DHX8: variants seen among roughly 807,000 people sequenced by gnomAD.
The protein encoded by DHX8 is DEAH-box helicase 8.
A neutral mutation model predicts 140.7 loss-of-function variants in DHX8; 67 were observed. That is an observed-to-expected ratio of 0.48 (90% CI 0.39 to 0.58). The LOEUF (loss-of-function observed/expected upper bound fraction) is 0.58. Ranked by LOEUF, DHX8 falls within the 20% of genes least tolerant of loss-of-function variation. The pLI, the probability that DHX8 is intolerant of heterozygous loss-of-function variation, is 0.00. For synonymous variants in DHX8, 533 were observed against 553.2 expected (o/e 0.96, Z 0.51); for missense variants, 887 against 1,550.7 (o/e 0.57, Z 7.19).
chr17:43,535,129 C>T (rs1971170541), intron 2 of DHX8, among the ~76,000 whole-genome samples: 1 of 152,170 alleles, frequency 6.6e-6, no homozygotes, highest in South Asian at 2.1e-4. Context: ...TGGTTCCAAG[C>T]CGGTGTGAGA....
chr17:43,492,095 G>C, intron 4 of DHX8, 88 bp from the exon 5 acceptor site: 1 of 865,204 alleles, frequency 1.2e-6, no homozygotes, highest in Non-Finnish European at 2.0e-6. Flanking sequence ...CCCTCACATA[G>C]TGATTAGTGA....
intron 3 of DHX8, among the ~76,000 whole-genome samples, chr17:43,543,544 G>A (rs902594585): frequency 6.6e-6 from 1 of 152,120 alleles, no homozygotes; most frequent in Admixed American, 6.5e-5. Context: ...AATGAAGCCC[G>A]GTGAGCCAGA....
Position 43,507,010 on chromosome 17 carries a change from A to G in DHX8, c.1736A>G (p.His579Arg). The G allele has an allele frequency of 6.3e-7, 1 of 1,599,442 alleles. No individual in the cohort carries two copies. Among genetic ancestry groups the G allele is most frequent in the Non-Finnish European group, 8.5e-7 (1 of 1,172,776 alleles). The change falls in exon 13 of 23, where the codon CAT (histidine) becomes CGT (arginine). Residue 579 changes from histidine to arginine, a missense_variant. Transcript: ENST00000262415. Reference sequence around the variant, plus strand: ...ATATTCTGTTGCTTTCAGGCCGTCCATGACAATCAGATCCTGATTGTCATT... The same window carrying G: ...ATATTCTGTTGCTTTCAGGCCGTCCGTGACAATCAGATCCTGATTGTCATT... The part of the protein sequence containing the change: ...KLKEQLVQAV[H>R]DNQILIVIGE...
intron 16 of DHX8, among the ~76,000 whole-genome samples, chr17:43,510,037 G>GTTTC (rs1969731557): frequency 6.6e-6 from 1 of 150,656 alleles, no homozygotes; most frequent in African/African-American, 2.4e-5. Flanking sequence ...ACTGTTTTTT[G>GTTTC]TTTGTTTGTT....
At chr17:43,514,322 G>A (rs1970005821) in intron 17 of DHX8, among the ~76,000 whole-genome samples, 1 of 152,090 alleles carries the variant, frequency 6.6e-6, no homozygotes, top group Admixed American at 6.6e-5. Flanking sequence ...TCTAGCTGGG[G>A]CAACAGAGCA....
chr17:43,513,711 T>G (rs1355227083), intron 17 of DHX8, among the ~76,000 whole-genome samples: 2 of 141,700 alleles, frequency 1.4e-5, no homozygotes, highest in Non-Finnish European at 3.1e-5. Flanking sequence ...TTTTTAATCT[T>G]TTTTTTTTTT....
downstream of DHX8, chr17:43,528,284 C>T: frequency 2.2e-6 from 1 of 450,514 alleles, no homozygotes; most frequent in Non-Finnish European, 3.9e-6. Context: ...TCCTCCAGGG[C>T]CCAGGTGAAA....
intron 3 of DHX8, chr17:43,536,629 G>C: frequency 1.6e-6 from 1 of 642,290 alleles, no homozygotes; most frequent in African/African-American, 1.8e-5. Flanking sequence ...ATTGTCTTGG[G>C]CCACACATAA....
chr17:43,524,530 G>A lies in DHX8; in HGVS notation c.*683G>A, dbSNP rs769869292. On this transcript the variant is annotated 3_prime_UTR_variant, in exon 23 of 23. Coordinates refer to ENST00000262415, the MANE Select transcript of DHX8 (RefSeq NM_004941.3). ...TTTCAGCATCAGCACTAGCCGGGCCGTGCTGGGGGATCACCCGATGATCAA... is the reference window on the plus strand; with the variant it reads ...TTTCAGCATCAGCACTAGCCGGGCCATGCTGGGGGATCACCCGATGATCAA... The A allele has an allele frequency of 2.6e-5, 26 of 986,364 alleles. No individual in the cohort carries two copies. The South Asian group carries it at 6.1e-4, about 23-fold the overall frequency. The allele number at this position is 986,364 out of a possible 1,614,324, so 61.1% of individuals were successfully genotyped here. A position where few individuals can be genotyped will look rare whatever the true frequency, so the allele number is the denominator to read the frequency against.
At chr17:43,532,801 T>G in intron 2 of DHX8, 1 of 1,614,032 alleles carries the variant, frequency 6.2e-7, no homozygotes, top group Non-Finnish European at 8.5e-7. Flanking sequence ...GATCATGGTA[T>G]TCTTGCTTAA....
In DHX8 at chr17:43,492,733, C is replaced by CGAGACA. The variant is rs1567676756; in HGVS notation, c.561_566dup (p.Asp189_Arg190dup). 1 of 1,612,936 alleles carries CGAGACA rather than the reference C, an allele frequency of 6.2e-7. No individual in the cohort carries two copies. Among genetic ancestry groups the CGAGACA allele is most frequent in the Non-Finnish European group, 8.5e-7 (1 of 1,179,062 alleles). ...TCGAAGCCGAGATCGAAACCGAGAT[C>CGAGACA]GAGACAGAGATAGGGAACGAAACCG... On this transcript the variant is annotated inframe_insertion, in exon 6 of 23. Coordinates refer to ENST00000262415, the MANE Select transcript of DHX8 (RefSeq NM_004941.3).
intron 10 of DHX8, 130 bp from the exon 11 acceptor site, chr17:43,499,826 C>T (rs965656636): frequency 1.3e-5 from 13 of 984,812 alleles, no homozygotes; most frequent in Non-Finnish European, 1.8e-5. Flanking sequence ...CCATTTCTTT[C>T]ATATAGTCTG....
intron 16 of DHX8, among the ~76,000 whole-genome samples, chr17:43,511,621 C>A (rs970977747): frequency 2.2e-4 from 33 of 150,872 alleles, no homozygotes; most frequent in Admixed American, 2.1e-3. Flanking sequence ...CCATGCCTGG[C>A]TAATTTTTGT....
chr17:43,506,463 A>G (rs1969500774), intron 12 of DHX8, among the ~76,000 whole-genome samples: 1 of 151,936 alleles, frequency 6.6e-6, no homozygotes, highest in East Asian at 2.0e-4. Flanking sequence ...TACTAAAAGT[A>G]CAAAAATTAG....
Position 43,525,434 on chromosome 17 carries a change from G to A in DHX8, c.*1587G>A, listed in dbSNP as rs1970580188. 1.0e-6 allele frequency: 1 copy of A among 982,082 alleles called. No homozygotes were observed. Among genetic ancestry groups the A allele is most frequent in the Non-Finnish European group, 1.2e-6 (1 of 826,968 alleles). The allele number at this position is 982,082 out of a possible 1,614,324, so 60.8% of individuals were successfully genotyped here. On this transcript the variant is annotated 3_prime_UTR_variant, in exon 23 of 23. Coordinates refer to ENST00000262415, the MANE Select transcript of DHX8 (RefSeq NM_004941.3). ...GGAATATAGGCCAGGCAATCTGCTG[G>A]CTGCAGATCCCTGCCCCTTCATTAA...
chr17:43,539,082 A>C (rs1490490801), intron 3 of DHX8, among the ~76,000 whole-genome samples: 1 of 152,138 alleles, frequency 6.6e-6, no homozygotes, highest in Non-Finnish European at 1.5e-5. Flanking sequence ...CTTGCTCTCC[A>C]CCTAGGTGTC....
chr17:43,542,112 G>A (rs1207226739), intron 3 of DHX8, among the ~76,000 whole-genome samples: 1 of 152,196 alleles, frequency 6.6e-6, no homozygotes, highest in Non-Finnish European at 1.5e-5. Flanking sequence ...CAAAGGGACT[G>A]GAGCCCTTGG....
At position 43,492,218 on chromosome 17, in the gene DHX8, G is replaced by T. The variant is rs1201294572; in HGVS notation, c.429G>T (p.Val143=). 6.2e-7 allele frequency: 1 copy of T among 1,613,986 alleles called. No individual in the cohort carries two copies. Among genetic ancestry groups the T allele is most frequent in the Non-Finnish European group, 8.5e-7 (1 of 1,180,002 alleles). The stretch of plus-strand genomic sequence containing the variant: ...ATGAAGATGATGTGAAAGTTGCTGT[G>T]GATGTCCTGAAAGAACTGGAAGCTT... ...MLDEDDVKVA[V]DVLKELEALM... The change falls in exon 5 of 23, where the codon GTG becomes GTT. Residue 143 remains valine, a synonymous_variant. Coordinates refer to ENST00000262415, the MANE Select transcript of DHX8 (RefSeq NM_004941.3).
chr17:43,518,326 C>T (rs1341049809), intron 18 of DHX8: 3 of 152,182 alleles, frequency 2.0e-5, no homozygotes, highest in Non-Finnish European at 4.4e-5. Context: ...ACACTTGAAT[C>T]GTGCATCATT....
Sources: allele counts gnomAD v4.1 joint callset (sites outside exome capture counted in the v4.1 genomes callset), GRCh38; gene constraint gnomAD v4.1.1; transcripts MANE v1.5; gene names NCBI Gene and HGNC (gene_info 2026-07-23, HGNC 2026-07-21).